SNX29: variants seen among roughly 807,000 people sequenced by gnomAD.
SNX29 encodes sorting nexin 29.
A neutral mutation model predicts 102.1 loss-of-function variants in SNX29; 78 were observed. That is an observed-to-expected ratio of 0.76 (90% CI 0.64 to 0.92). The LOEUF (loss-of-function observed/expected upper bound fraction) is 0.92, where lower values mean the gene tolerates loss of function less well. Among genes scored for constraint, SNX29 ranks in the 40% least tolerant of loss-of-function variants. The pLI, the probability that SNX29 is intolerant of heterozygous loss-of-function variation, is 0.00. For missense variants in SNX29, 1,280 were observed against 1,061.7 expected (o/e 1.21, Z -2.86); for synonymous variants, 580 against 414.5 (o/e 1.40, Z -4.85).
intron 19 of SNX29, among the ~76,000 whole-genome samples, chr16:12,483,317 TTC>T (rs1186233886): frequency 7.7e-4 from 89 of 116,068 alleles, no homozygotes; most frequent in Non-Finnish European, 1.2e-3. Flanking sequence ...CCATTTACTT[TTC>T]TTTTTTTTTT....
chr16:12,472,292 G>A (rs1386535716), intron 18 of SNX29, among the ~76,000 whole-genome samples: 2 of 152,114 alleles, frequency 1.3e-5, no homozygotes, highest in African/African-American at 2.4e-5. Context: ...AGGCCGAGGT[G>A]GGTAGATCAC....
chr16:12,290,264 T>G (rs1425283964), intron 15 of SNX29, among the ~76,000 whole-genome samples: 1 of 152,212 alleles, frequency 6.6e-6, no homozygotes, highest in Non-Finnish European at 1.5e-5. Flanking sequence ...ATGTTTTCCT[T>G]TCTCAAATGC....
chr16:12,568,315 AAAT>A (rs2079100091), intron 20 of SNX29, among the ~76,000 whole-genome samples, 188 bp from the exon 21 acceptor site: 4 of 151,498 alleles, frequency 2.6e-5, no homozygotes, highest in South Asian at 4.2e-4. Flanking sequence ...AAAAAAAAAA[AAAT>A]GGAAAGGTTT....
chr16:12,355,034 T>G (rs571328102), intron 15 of SNX29, among the ~76,000 whole-genome samples: 1 of 152,302 alleles, frequency 6.6e-6, no homozygotes, highest in South Asian at 2.1e-4. Context: ...AAGCCTGATA[T>G]ATTTCATGTT....
chr16:12,527,804 GTTAT>G (rs1032952960), intron 20 of SNX29, among the ~76,000 whole-genome samples: 8 of 149,558 alleles, frequency 5.3e-5, no homozygotes, highest in African/African-American at 1.5e-4. Flanking sequence ...GTTTTGTTTT[GTTAT>G]TTATTTTTCT....
At chr16:12,456,749 T>C (rs868770126) in intron 18 of SNX29, among the ~76,000 whole-genome samples, 2 of 152,134 alleles carry the variant, frequency 1.3e-5, no homozygotes, top group Non-Finnish European at 2.9e-5. Context: ...TGGGGGGATG[T>C]GTGAAATTGC....
chr16:12,088,402 C>G (rs1292950615), intron 11 of SNX29, among the ~76,000 whole-genome samples: 2 of 152,070 alleles, frequency 1.3e-5, no homozygotes, highest in Non-Finnish European at 2.9e-5. Flanking sequence ...GTTTGACAGA[C>G]ATAGACTCTG....
intron 13 of SNX29, among the ~76,000 whole-genome samples, chr16:12,151,678 GT>G (rs1476787414): frequency 6.6e-6 from 1 of 152,030 alleles, no homozygotes; most frequent in Non-Finnish European, 1.5e-5. Context: ...CCTCATTATG[GT>G]TTTACATTTT....
chr16:12,243,320 G>T (rs1424545456), intron 14 of SNX29, among the ~76,000 whole-genome samples: 3 of 152,242 alleles, frequency 2.0e-5, no homozygotes, highest in Non-Finnish European at 2.9e-5. Flanking sequence ...CAGGTTTCCT[G>T]TCTGGCCCTC....
chr16:12,030,370 C>G (rs1427410645), intron 4 of SNX29, among the ~76,000 whole-genome samples: 1 of 152,208 alleles, frequency 6.6e-6, no homozygotes, highest in Non-Finnish European at 1.5e-5. Context: ...AAACTGAATT[C>G]TGATCTTCAT....
At chr16:12,111,830 T>C (rs1026314556) in intron 11 of SNX29, among the ~76,000 whole-genome samples, 37 of 151,808 alleles carry the variant, frequency 2.4e-4, no homozygotes, top group Non-Finnish European at 4.0e-4. Context: ...AGAGGTGAGA[T>C]TTGAGAGTGT....
intron 20 of SNX29, among the ~76,000 whole-genome samples, chr16:12,564,872 T>G (rs545849062): frequency 2.5e-4 from 38 of 151,478 alleles, no homozygotes; most frequent in South Asian, 4.2e-4. Flanking sequence ...GATGAGAATT[T>G]CACTCTGAGG....
At chr16:12,543,006 C>G (rs1444852853) in intron 20 of SNX29, among the ~76,000 whole-genome samples, 2 of 152,130 alleles carry the variant, frequency 1.3e-5, no homozygotes, top group Non-Finnish European at 2.9e-5. Context: ...AGGGACTTGG[C>G]TAGCTTCAGG....
At chr16:12,515,715 T>G in intron 19 of SNX29, 2 of 437,380 alleles carry the variant, frequency 4.6e-6, no homozygotes, top group Non-Finnish European at 9.3e-6. Flanking sequence ...CTACTGGATC[T>G]AAGCTCCGGA....
At chr16:12,547,369 A>G (rs947037148) in intron 20 of SNX29, among the ~76,000 whole-genome samples, 1 of 152,224 alleles carries the variant, frequency 6.6e-6, no homozygotes, top group African/African-American at 2.4e-5. Flanking sequence ...TGGAGTCAGC[A>G]AAGGGTAGAG....
chr16:12,175,625 T>C (rs1175326802), intron 13 of SNX29, among the ~76,000 whole-genome samples: 1 of 145,600 alleles, frequency 6.9e-6, no homozygotes, highest in Admixed American at 7.1e-5. Flanking sequence ...CACTCCGGCC[T>C]GGGTGGACAC....
intron 14 of SNX29, among the ~76,000 whole-genome samples, chr16:12,227,040 T>C (rs1195631312): frequency 6.6e-6 from 1 of 152,218 alleles, no homozygotes; most frequent in Non-Finnish European, 1.5e-5. Flanking sequence ...GTTGGGATTA[T>C]GGGCTGGGAC....
At chr16:12,222,511 C>T (rs2077503794) in intron 14 of SNX29, among the ~76,000 whole-genome samples, 1 of 152,184 alleles carries the variant, frequency 6.6e-6, no homozygotes, top group African/African-American at 2.4e-5. Context: ...CTGGTGCAGG[C>T]AGGAAGAAGA....
At chr16:12,262,381 G>C (rs988771284) in intron 14 of SNX29, among the ~76,000 whole-genome samples, 1 of 152,000 alleles carries the variant, frequency 6.6e-6, no homozygotes, top group Non-Finnish European at 1.5e-5. Flanking sequence ...CATCCCCTTT[G>C]ACTCAGCAGC....
Sources: allele counts gnomAD v4.1 joint callset (sites outside exome capture counted in the v4.1 genomes callset), GRCh38; gene constraint gnomAD v4.1.1; transcripts MANE v1.5; gene names NCBI Gene and HGNC (gene_info 2026-07-23, HGNC 2026-07-21).